Variants in ASIC2 observed in about 807,000 individuals in gnomAD.
ASIC2 encodes acid sensing ion channel subunit 2.
A neutral mutation model predicts 57.3 loss-of-function variants in ASIC2; 25 were observed. The ratio of observed to expected loss-of-function variants is 0.44; its 90% CI spans 0.32 to 0.61. ASIC2 has a LOEUF of 0.61. ASIC2 is among the 20% of genes least tolerant of loss of function. The pLI, the probability that ASIC2 is intolerant of heterozygous loss-of-function variation, is 0.06. For missense variants in ASIC2, 641 were observed against 738.1 expected (o/e 0.87, Z 1.52); for synonymous variants, 319 against 307.5 (o/e 1.04, Z -0.39).
intron 1 of ASIC2, among the ~76,000 whole-genome samples, chr17:34,142,008 A>G (rs1337649517): frequency 6.6e-6 from 1 of 152,188 alleles, no homozygotes; most frequent in African/African-American, 2.4e-5. Context: ...ACATTTTGTT[A>G]ATAGCCACTT....
At chr17:33,814,078 G>A (rs1912508514) in intron 1 of ASIC2, among the ~76,000 whole-genome samples, 1 of 152,096 alleles carries the variant, frequency 6.6e-6, no homozygotes, top group South Asian at 2.1e-4. Flanking sequence ...GACTTGCATG[G>A]AGAAATGAGT....
At chr17:33,884,462 T>G (rs185605309) in intron 1 of ASIC2, among the ~76,000 whole-genome samples, 1 of 152,266 alleles carries the variant, frequency 6.6e-6, no homozygotes, top group East Asian at 1.9e-4. Context: ...TTTCCTTCTT[T>G]TTATCTGCTG....
chr17:33,852,584 T>C (rs1235599137), intron 1 of ASIC2, among the ~76,000 whole-genome samples: 1 of 152,210 alleles, frequency 6.6e-6, no homozygotes, highest in Non-Finnish European at 1.5e-5. Context: ...AACCGAAATA[T>C]GACAAAGTTA....
chr17:33,077,464 G>A (rs1226154173), intron 3 of ASIC2, among the ~76,000 whole-genome samples: 1 of 152,118 alleles, frequency 6.6e-6, no homozygotes, highest in African/African-American at 2.4e-5. Flanking sequence ...AGCAAGACAT[G>A]CAAATAACTT....
chr17:33,110,589 G>T (rs1468620275), intron 2 of ASIC2, among the ~76,000 whole-genome samples: 4 of 152,166 alleles, frequency 2.6e-5, no homozygotes, highest in African/African-American at 9.7e-5. Context: ...TGGCTGTGAT[G>T]GGAGGTAAAT....
At chr17:33,091,113 G>T (rs2092155869) in intron 2 of ASIC2, among the ~76,000 whole-genome samples, 1 of 152,134 alleles carries the variant, frequency 6.6e-6, no homozygotes, top group South Asian at 2.1e-4. Flanking sequence ...TTCAGTCCAG[G>T]GCTCCATCAC....
chr17:33,827,963 G>A (rs969457640), intron 1 of ASIC2: 1 of 152,144 alleles, frequency 6.6e-6, no homozygotes, highest in Admixed American at 6.5e-5. Flanking sequence ...TTACGAGTGA[G>A]ATCATGCAGT....
intron 1 of ASIC2, among the ~76,000 whole-genome samples, chr17:33,301,076 G>A (rs1215929830): frequency 2.0e-5 from 3 of 151,848 alleles, no homozygotes; most frequent in Non-Finnish European, 4.4e-5. Context: ...TTGCCCAGGC[G>A]GGAGTGCAGT....
chr17:33,187,607 T>C (rs1361439760), intron 1 of ASIC2, among the ~76,000 whole-genome samples: 1 of 152,162 alleles, frequency 6.6e-6, no homozygotes, highest in Non-Finnish European at 1.5e-5. Context: ...CACATGCTTC[T>C]GTCTCAACTG....
intron 1 of ASIC2, among the ~76,000 whole-genome samples, chr17:33,245,669 G>A (rs1171429680): frequency 6.6e-6 from 1 of 152,192 alleles, no homozygotes; most frequent in Non-Finnish European, 1.5e-5. Flanking sequence ...CTGAGCTGGG[G>A]TCCTCTATGT....
intron 1 of ASIC2, among the ~76,000 whole-genome samples, chr17:33,854,271 A>G (rs568754508): frequency 6.6e-6 from 1 of 152,280 alleles, no homozygotes; most frequent in South Asian, 2.1e-4. Flanking sequence ...AGTGGGTGGC[A>G]TGTCTACTTA....
At chr17:33,096,678 G>A (rs1158128495) in intron 2 of ASIC2, among the ~76,000 whole-genome samples, 1 of 152,212 alleles carries the variant, frequency 6.6e-6, no homozygotes, top group Non-Finnish European at 1.5e-5. Context: ...GAAAGTGCTA[G>A]GAGAAGTGAT....
chr17:33,030,080 T>C (rs1439387422), intron 3 of ASIC2, among the ~76,000 whole-genome samples: 1 of 152,236 alleles, frequency 6.6e-6, no homozygotes, highest in African/African-American at 2.4e-5. Context: ...GTCTGTGGCT[T>C]ACCTTTTCAT....
At chr17:33,378,265 C>T (rs1567841385) in intron 1 of ASIC2, among the ~76,000 whole-genome samples, 1 of 152,230 alleles carries the variant, frequency 6.6e-6, no homozygotes, top group Non-Finnish European at 1.5e-5. Context: ...CCTTCACTGC[C>T]TTCTCTGCTA....
chr17:33,510,472 C>G (rs919750671), intron 1 of ASIC2, among the ~76,000 whole-genome samples: 1 of 151,716 alleles, frequency 6.6e-6, no homozygotes, highest in Non-Finnish European at 1.5e-5. Flanking sequence ...AGTGAGACCC[C>G]ATCTCTACAA....
chr17:33,922,404 T>A lies in ASIC2; in HGVS notation c.555+233574A>T, dbSNP rs567459975. Among the ~76,000 whole-genome samples the A allele has an allele frequency of 5.3e-5, 8 of 152,260 alleles. No homozygotes were observed. The South Asian group carries it at 1.0e-3, about 20-fold the overall frequency. The stretch of plus-strand genomic sequence containing the variant: ...TGGTTTCAGACTGAAAGTCCAGCAT[T>A]TCAGAAAAACCCTTGCCCCCTGGCA... On this transcript the variant is annotated intron_variant, in intron 1 of 9. Transcript: ENST00000359872.
chr17:33,030,232 A>G (rs2091877165), intron 3 of ASIC2, among the ~76,000 whole-genome samples: 3 of 152,204 alleles, frequency 2.0e-5, no homozygotes, highest in East Asian at 1.9e-4. Flanking sequence ...TCAGATATAG[A>G]ACATTTCCAT....
At chr17:33,485,460 C>T (rs1433163725) in intron 1 of ASIC2, among the ~76,000 whole-genome samples, 2 of 152,226 alleles carry the variant, frequency 1.3e-5, no homozygotes, top group African/African-American at 2.4e-5. Context: ...TTTTTATCCA[C>T]TTAGCAATGT....
chr17:33,456,935 A>G (rs755172425), intron 1 of ASIC2, among the ~76,000 whole-genome samples: 19 of 152,196 alleles, frequency 1.2e-4, no homozygotes, highest in Non-Finnish European at 2.2e-4. Flanking sequence ...AAGTGTCTAA[A>G]TTGCTTAGCT....
Sources: allele counts gnomAD v4.1 joint callset (sites outside exome capture counted in the v4.1 genomes callset), GRCh38; gene constraint gnomAD v4.1.1; transcripts MANE v1.5; gene names NCBI Gene and HGNC (gene_info 2026-07-23, HGNC 2026-07-21).